The following IGF1R variants were observed in gnomAD, a reference collection of about 807,000 sequenced individuals.
IGF1R encodes the protein insulin-like growth factor 1 receptor.
Under a neutral mutation model 144.6 loss-of-function variants are expected in IGF1R, and 44 were observed. The observed-to-expected ratio is 0.30, with a 90% confidence interval of 0.24 to 0.39. IGF1R has a LOEUF of 0.39. IGF1R is among the 10% of genes least tolerant of loss of function. IGF1R has a pLI of 1.00. For synonymous variants in IGF1R, 795 were observed against 722.8 expected (o/e 1.10, Z -1.60); for missense variants, 1,355 against 1,833.7 (o/e 0.74, Z 4.77).
intron 10 of IGF1R, among the ~76,000 whole-genome samples, chr15:98,920,912 G>T (rs963508940): frequency 6.6e-6 from 1 of 152,122 alleles, no homozygotes; most frequent in Non-Finnish European, 1.5e-5. Context: ...CTGACCTAAG[G>T]ACCAGCCAGA....
In IGF1R at chr15:98,923,968, G is replaced by A; in HGVS notation, c.2578G>A (p.Gly860Arg). The A allele has an allele frequency of 6.2e-7, 1 of 1,613,952 alleles. No homozygotes were observed. The highest frequency in any genetic ancestry group is 8.5e-7 in the Non-Finnish European group (1 of 1,179,806). ...GTGGCCGGAACCTGAGAATCCCAAT[G>A]GATTGATTCTAATGTATGAAATAAA... is the stretch of plus-strand genomic sequence containing the variant. Reference protein sequence around the residue: ...LKWPEPENPNGLILMYEIKYG... With the variant: ...LKWPEPENPNRLILMYEIKYG... Residue 860 changes from glycine (G) to arginine (R), a missense_variant, in exon 12 of 21, where the codon GGA becomes AGA. This residue lies in a region of IGF1R where 880 missense variants were observed against 1,202.7 expected (regional missense o/e 0.73). Transcript: ENST00000650285.
rs1036888540 is a variant in IGF1R, at chr15:98,823,058, G to A, written c.641-68267G>A. Among the ~76,000 whole-genome samples the A allele has an allele frequency of 3.4e-4, 52 of 152,160 alleles. 1 individual carries two copies. The highest frequency in any genetic ancestry group is 1.1e-3 in the African/African-American group (45 of 41,522). ...GCAGCCACCTTTTGCTTTTCTTCCC[G>A]TTCCCCCCACCTCATGCTGTGAAGA... On this transcript the variant is annotated intron_variant, in intron 2 of 20. Transcript: ENST00000650285.
rs201734173 is a variant in IGF1R, at chr15:98,957,496, TG to T, written c.*62del. 12,104 of 1,598,546 alleles carry T rather than the reference TG, an allele frequency of 7.6e-3. 61 individuals are homozygous for T. Among genetic ancestry groups the T allele is most frequent in the Non-Finnish European group, 8.9e-3 (10,471 of 1,170,110 alleles). ...TAACGTGTGCGCACGCGCAGCGGGG[TG>T]GGGGGGGAGAGAGAGTTTTAACAAT... is the stretch of plus-strand genomic sequence containing the variant. On this transcript the variant is annotated 3_prime_UTR_variant, in exon 21 of 21. Transcript: ENST00000650285.
At chr15:98,865,074 T>A (rs2012355755) in intron 2 of IGF1R, among the ~76,000 whole-genome samples, 1 of 152,238 alleles carries the variant, frequency 6.6e-6, no homozygotes, top group Admixed American at 6.5e-5. Context: ...AGGTATCAGA[T>A]CACACATGCT....
intron 2 of IGF1R, among the ~76,000 whole-genome samples, chr15:98,786,541 G>A (rs953956975): frequency 6.6e-6 from 1 of 152,170 alleles, no homozygotes; most frequent in Non-Finnish European, 1.5e-5. Context: ...ATTTGAAGAC[G>A]TGGATGAATC....
intron 15 of IGF1R, among the ~76,000 whole-genome samples, chr15:98,932,970 G>T (rs972563831): frequency 5.9e-5 from 9 of 152,178 alleles, no homozygotes; most frequent in African/African-American, 2.2e-4. Flanking sequence ...TTGGGATATG[G>T]AGATGTTAGG....
intron 18 of IGF1R, among the ~76,000 whole-genome samples, chr15:98,941,790 C>A (rs1305580472): frequency 6.6e-6 from 1 of 152,186 alleles, no homozygotes; most frequent in Non-Finnish European, 1.5e-5. Context: ...GCTTTTGTAG[C>A]CTTACCTCTT....
intron 15 of IGF1R, among the ~76,000 whole-genome samples, chr15:98,931,140 T>C (rs1244606737): frequency 1.2e-4 from 19 of 152,178 alleles, no homozygotes. Flanking sequence ...GTTAGACAGT[T>C]GAGAAGTCAG....
chr15:98,723,964 G>T (rs28569420), intron 2 of IGF1R, among the ~76,000 whole-genome samples: 5,527 of 152,214 alleles, frequency 0.036, 331 homozygotes, highest in African/African-American at 0.13. Flanking sequence ...TTATGGCAGC[G>T]AGGGCAAATT....
intron 1 of IGF1R, among the ~76,000 whole-genome samples, chr15:98,697,297 C>G (rs562073636): frequency 1.3e-5 from 2 of 152,208 alleles, no homozygotes; most frequent in Non-Finnish European, 2.9e-5. Context: ...TGCCACTGTT[C>G]AGTTTGCAGA....
chr15:98,850,287 G>A (rs181096386), intron 2 of IGF1R, among the ~76,000 whole-genome samples: 1 of 152,374 alleles, frequency 6.6e-6, no homozygotes, highest in Admixed American at 6.5e-5. Flanking sequence ...AATGAAGGTT[G>A]AGAAGGAGCC....
At chr15:98,949,335 GGACAGAAGGAT>G (rs988887884) in intron 20 of IGF1R, among the ~76,000 whole-genome samples, 3 of 151,914 alleles carry the variant, frequency 2.0e-5, no homozygotes, top group African/African-American at 7.3e-5. Flanking sequence ...ACATCCCTGC[GGACAGAAGGAT>G]GCCAGTGCTG....
At position 98,958,242 on chromosome 15, in the gene IGF1R, A is replaced by T. The variant is rs2017089375; in HGVS notation, c.*800A>T. On this transcript the variant is annotated 3_prime_UTR_variant, in exon 21 of 21. Transcript: ENST00000650285. ...ATTATTTGGGGGAACTGGACACAAT[A>T]GGTCTTTCTCTCAGTGAAGGTGGGG... 4.3e-6 allele frequency: 1 copy of T among 231,532 alleles called. No individual in the cohort carries two copies. The highest frequency in any genetic ancestry group is 8.5e-6 in the Non-Finnish European group (1 of 117,118). 14.3% of individuals were successfully genotyped at this position (231,532 alleles called of 1,614,324 possible).
intron 1 of IGF1R, among the ~76,000 whole-genome samples, chr15:98,650,040 A>G (rs7402982): frequency 0.63 from 95,097 of 151,608 alleles, 30,403 homozygotes; most frequent in African/African-American, 0.76. Flanking sequence ...CGCCCCTTCC[A>G]TGCGCAAGAG....
chr15:98,820,598 T>C (rs1325553731), intron 2 of IGF1R, among the ~76,000 whole-genome samples: 2 of 152,218 alleles, frequency 1.3e-5, no homozygotes, highest in African/African-American at 2.4e-5. Context: ...CTCAGTGTCA[T>C]TATAAATTAC....
chr15:98,691,100 C>T (rs1185961992), intron 1 of IGF1R, among the ~76,000 whole-genome samples: 1 of 152,154 alleles, frequency 6.6e-6, no homozygotes, highest in African/African-American at 2.4e-5. Flanking sequence ...GCTAAGGAAC[C>T]AGCATTAGTC....
intron 20 of IGF1R, 28 bp downstream of exon 20, chr15:98,948,736 C>G: frequency 6.2e-7 from 1 of 1,612,586 alleles, no homozygotes; most frequent in Non-Finnish European, 8.5e-7. Context: ...CCTCCGTGCT[C>G]TTCTGAGTTC....
At chr15:98,839,707 C>G (rs183150582) in intron 2 of IGF1R, among the ~76,000 whole-genome samples, 11 of 152,316 alleles carry the variant, frequency 7.2e-5, no homozygotes, top group Admixed American at 7.2e-4. Context: ...CCATTAATGA[C>G]AGATCTGAGG....
intron 2 of IGF1R, among the ~76,000 whole-genome samples, chr15:98,715,082 G>T (rs998845286): frequency 6.6e-6 from 1 of 152,214 alleles, no homozygotes; most frequent in African/African-American, 2.4e-5. Context: ...GCTGCTCCCA[G>T]TGTGGGGGTG....
Sources: gnomAD v4.1 joint callset for allele counts (sites outside exome capture counted in the v4.1 genomes callset) on GRCh38, gnomAD v4.1.1 for gene constraint, gnomAD v4.1.1 regional missense constraint, MANE v1.5 for transcripts, NCBI Gene and HGNC (gene_info 2026-07-23, HGNC 2026-07-21) for gene names.